Variants in OSCAR observed in about 807,000 individuals in gnomAD.
OSCAR encodes osteoclast-associated immunoglobulin-like receptor.
In OSCAR, 25 loss-of-function variants were observed where a neutral mutation model predicts 27.3. That is an observed-to-expected ratio of 0.92 (90% CI 0.67 to 1.28). The LOEUF is 1.28. OSCAR is among the 50% of genes most tolerant of loss of function. OSCAR has a pLI of 0.00. For synonymous variants in OSCAR, 158 were observed against 165.7 expected, an observed-to-expected ratio of 0.95 and a Z score of 0.36; for missense variants, 354 against 355.1, an observed-to-expected ratio of 1.00 and a Z score of 0.03.
At position 54,095,092 on chromosome 19, in the gene OSCAR, G is replaced by A. The variant is rs1310655546; in HGVS notation, c.*129C>T. On this transcript the variant is annotated 3_prime_UTR_variant, in exon 5 of 5. Transcript: ENST00000358375. ...AGAAGCTACAGCACAGGGCACAGCG[G>A]GGTCTAAGGACCGTTCCGCGGAGCT... The A allele has an allele frequency of 7.1e-7, 1 of 1,401,284 alleles. No homozygotes were observed. 86.8% of individuals were successfully genotyped at this position (1,401,284 alleles called of 1,614,324 possible).
Position 54,095,300 on chromosome 19 carries a change from A to G in OSCAR, c.713T>C (p.Leu238Pro), listed in dbSNP as rs984550548. Residue 238 changes from leucine to proline, a missense_variant, in exon 5 of 5, where the codon CTG (leucine) becomes CCG (proline). Transcript: ENST00000358375. ...CAGCGCGCCCAGGGAGATGAGGACC[A>G]GCCCGGCCAGCCCCAGGCGGACTAG... is the stretch of plus-strand genomic sequence containing the variant. ...GNLVRLGLAGLVLISLGALVT... is the reference protein window; with the variant it reads ...GNLVRLGLAGPVLISLGALVT... 5 of 1,588,182 alleles carry G rather than the reference A, an allele frequency of 3.1e-6. No homozygotes were observed. The highest frequency in any genetic ancestry group is 3.4e-6 in the Non-Finnish European group (4 of 1,167,928).
In OSCAR at chr19:54,095,969, G is replaced by T. The variant is rs755911635; in HGVS notation, c.558C>A (p.Gly186=). Residue 186 remains glycine, a synonymous_variant, in exon 4 of 5, where the codon GGC becomes GGA. Transcript: ENST00000358375. Reference sequence around the variant, plus strand: ...AGCTGTAGGTGCCGGGGGCGCGGGCGCCCAGCAGCGTGAAGTCGGCCCAGG... The same window carrying T: ...AGCTGTAGGTGCCGGGGGCGCGGGCTCCCAGCAGCGTGAAGTCGGCCCAGG... ...AQPWADFTLL[G]ARAPGTYSCY... is the part of the protein sequence containing the mutation. The T allele has an allele frequency of 6.3e-7, 1 of 1,590,024 alleles. No individual in the cohort carries two copies. The highest frequency in any genetic ancestry group is 1.8e-5 in the Admixed American group (1 of 56,002).
Position 54,096,065 on chromosome 19 carries a change from C to T in OSCAR, c.462G>A (p.Leu154=), listed in dbSNP as rs1311022681. The T allele has an allele frequency of 6.5e-7, 1 of 1,541,676 alleles. No homozygotes were observed. The highest frequency in any genetic ancestry group is 1.4e-5 in the African/African-American group (1 of 73,002). ...ANVSLRCAGR[L]RNMSFVLYRE... ...GGTACAGCACGAAGCTCATGTTCCG[C>T]AGGCGGCCCGCGCAGCGCAGGCTCA... Residue 154 remains leucine, a synonymous_variant, in exon 4 of 5, where the codon CTG becomes CTA. Coordinates refer to ENST00000358375, the MANE Select transcript of OSCAR (RefSeq NM_133169.6).
chr19:54,098,268 A>T (rs1414582995), intron 2 of OSCAR, among the ~76,000 whole-genome samples: 1 of 152,168 alleles, frequency 6.6e-6, no homozygotes, highest in East Asian at 1.9e-4. Context: ...ACACAAATTA[A>T]GAGTACAGGA....
chr19:54,099,057 T>TG (rs2072894965), intron 2 of OSCAR, among the ~76,000 whole-genome samples: 1,765 of 40,972 alleles, frequency 0.043, 38 homozygotes, highest in Admixed American at 0.14. Context: ...CAAAAGAGTT[T>TG]TTTTTGTTTG....
At chr19:54,096,428 C>T (rs1162325396) in intron 3 of OSCAR, among the ~76,000 whole-genome samples, 19 of 143,378 alleles carry the variant, frequency 1.3e-4, no homozygotes, top group Non-Finnish European at 2.3e-4. Context: ...CTCTCTCTGC[C>T]TCCCTCTCTC....
At chr19:54,099,801 A>G in intron 1 of OSCAR, 21 bp from the exon 2 acceptor site, 1 of 1,588,650 alleles carries the variant, frequency 6.3e-7, no homozygotes, top group African/African-American at 1.4e-5. Context: ...TTGAGGGACT[A>G]GTTTCTTTTT....
rs1436593877 is a variant in OSCAR, at chr19:54,094,967, AG to A, written c.*253del. ...TGTAGCTGCTACTACTACAGTGAGT[AG>A]ACGGCAGTGCTGGGATTCGAACCCT... On this transcript the variant is annotated 3_prime_UTR_variant, in exon 5 of 5. Transcript: ENST00000358375. The A allele has an allele frequency of 1.6e-4, 80 of 498,410 alleles. No individual in the cohort carries two copies. Among genetic ancestry groups the A allele is most frequent in the Middle Eastern group, 5.4e-4 (1 of 1,842 alleles). 30.9% of individuals were successfully genotyped at this position (498,410 alleles called of 1,614,324 possible). A position where few individuals can be genotyped will look rare whatever the true frequency, so the allele number is the denominator to read the frequency against.
chr19:54,095,775 G>T lies in OSCAR; in HGVS notation c.655+97C>A. ...GACTAGACCCCTGGGTCTGAAGGAG[G>T]AGAGGCTGGGGGCCTGGGCTCCTGG... is the stretch of plus-strand genomic sequence containing the variant. On this transcript the variant is annotated intron_variant, in intron 4 of 4. Coordinates refer to ENST00000358375, the MANE Select transcript of OSCAR (RefSeq NM_133169.6). 3 of 1,532,708 alleles carry T rather than the reference G, an allele frequency of 2.0e-6. No homozygotes were observed. The East Asian group carries it at 7.4e-5, about 38-fold the overall frequency. 94.9% of individuals were successfully genotyped at this position (1,532,708 alleles called of 1,614,324 possible).
intron 4 of OSCAR, 163 bp downstream of exon 4, chr19:54,095,708 TG>T (rs1328521312): frequency 1.7e-6 from 2 of 1,211,962 alleles, no homozygotes; most frequent in South Asian, 3.0e-5. Flanking sequence ...GAGGAGGGGC[TG>T]GGTCCCAGGA....
chr19:54,097,433 T>TTTA (rs1199341273), intron 2 of OSCAR, among the ~76,000 whole-genome samples: 11 of 151,870 alleles, frequency 7.2e-5, no homozygotes, highest in Admixed American at 2.0e-4. Flanking sequence ...ACTCTGTAAT[T>TTTA]TTATTATTAT....
intron 3 of OSCAR, among the ~76,000 whole-genome samples, chr19:54,096,492 C>G (rs111164144): frequency 3.6e-5 from 5 of 138,392 alleles, no homozygotes; most frequent in African/African-American, 8.5e-5. Context: ...CTCTCTGCCT[C>G]CCTCTCTCTC....
At chr19:54,099,043 T>C (rs1238670522) in intron 2 of OSCAR, among the ~76,000 whole-genome samples, 1 of 69,582 alleles carries the variant, frequency 1.4e-5, no homozygotes, top group African/African-American at 8.5e-5. Context: ...CACTGAAATA[T>C]CTCCAAAAGA....
At position 54,094,977 on chromosome 19, in the gene OSCAR, G is replaced by T; in HGVS notation, c.*244C>A. The T allele has an allele frequency of 1.9e-6, 1 of 532,562 alleles. No homozygotes were observed. 33.0% of individuals were successfully genotyped at this position (532,562 alleles called of 1,614,324 possible). On this transcript the variant is annotated 3_prime_UTR_variant, in exon 5 of 5. Transcript: ENST00000358375. The stretch of plus-strand genomic sequence containing the variant: ...ACTACTACAGTGAGTAGACGGCAGT[G>T]CTGGGATTCGAACCCTCTGTCTTCT...
intron 4 of OSCAR, 172 bp from the exon 5 acceptor site, chr19:54,095,529 G>A: frequency 7.2e-7 from 1 of 1,389,758 alleles, no homozygotes; most frequent in Non-Finnish European, 9.5e-7. Flanking sequence ...GAAGGGGCTG[G>A]GGCCTGGACT....
Position 54,099,790 on chromosome 19 carries a change from G to A in OSCAR, c.38-10C>T, listed in dbSNP as rs772883446. On this transcript the variant is annotated splice_polypyrimidine_tract_variant and intron_variant, in intron 1 of 4. Transcript: ENST00000358375. ...GTGTGACACAGAGGCCCTGTAGGAG[G>A]TTGAGGGACTAGTTTCTTTTTCCTT... 2 of 1,604,306 alleles carry A rather than the reference G, an allele frequency of 1.2e-6. No individual in the cohort carries two copies. Among genetic ancestry groups the A allele is most frequent in the Non-Finnish European group, 1.7e-6 (2 of 1,177,076 alleles).
chr19:54,095,288 G>C lies in OSCAR; in HGVS notation c.725C>G (p.Ser242Cys), dbSNP rs751216176. ...RLGLAGLVLI[S>C]LGALVTFDWR... Reference sequence around the variant, plus strand: ...GTCAAAAGTGACCAGCGCGCCCAGGGAGATGAGGACCAGCCCGGCCAGCCC... The same window carrying C: ...GTCAAAAGTGACCAGCGCGCCCAGGCAGATGAGGACCAGCCCGGCCAGCCC... The change falls in exon 5 of 5, where the codon TCC becomes TGC. Residue 242 changes from serine (S) to cysteine (C), a missense_variant. Ser to Cys is a moderately radical substitution (Grantham distance 112). Transcript: ENST00000358375. 4 of 1,599,058 alleles carry C rather than the reference G, an allele frequency of 2.5e-6. No individual in the cohort carries two copies. Among genetic ancestry groups the C allele is most frequent in the Non-Finnish European group, 2.6e-6 (3 of 1,173,580 alleles).
chr19:54,095,391 C>A lies in OSCAR; in HGVS notation c.656-34G>T, dbSNP rs1357707668. ...GGAGCCGGGAGAGAGGGGCCATCAGCTCCCGGACCCCAAAGTCTGGGCCCT... is the reference window on the plus strand; with the variant it reads ...GGAGCCGGGAGAGAGGGGCCATCAGATCCCGGACCCCAAAGTCTGGGCCCT... On this transcript the variant is annotated intron_variant, in intron 4 of 4. Coordinates refer to ENST00000358375, the MANE Select transcript of OSCAR (RefSeq NM_133169.6). The A allele has an allele frequency of 1.5e-5, 23 of 1,541,164 alleles. No homozygotes were observed. In the African/African-American group the frequency reaches 2.7e-4, roughly 18 times the overall value.
chr19:54,098,000 C>A (rs189333154), intron 2 of OSCAR, among the ~76,000 whole-genome samples: 201 of 152,136 alleles, frequency 1.3e-3, no homozygotes, highest in African/African-American at 4.7e-3. Context: ...TGGATCCCTA[C>A]CTCATACCAT....
Sources: gnomAD v4.1 joint callset for allele counts (sites outside exome capture counted in the v4.1 genomes callset) on GRCh38, gnomAD v4.1.1 for gene constraint, MANE v1.5 for transcripts, NCBI Gene and HGNC (gene_info 2026-07-23, HGNC 2026-07-21) for gene names.